TRIM11: variants seen among roughly 807,000 people sequenced by gnomAD.
The protein encoded by TRIM11 is E3 ubiquitin-protein ligase TRIM11.
A neutral mutation model predicts 33.4 loss-of-function variants in TRIM11; 15 were observed. That is an observed-to-expected ratio of 0.45 (90% confidence interval 0.30 to 0.69). The LOEUF is 0.69. Among genes scored for constraint, TRIM11 ranks in the 30% least tolerant of loss-of-function variants. The pLI is 0.08. For synonymous variants in TRIM11, 281 were observed against 302.6 expected (o/e 0.93, Z 0.74); for missense variants, 499 against 667.6 (o/e 0.75, Z 2.78).
Position 228,395,532 on chromosome 1 carries a change from TTA to T in TRIM11, c.860-282_860-281del. Reference sequence around the variant, plus strand: ...ATCTTGGTTGCTTTTTTTTTTTTTTTTAAAGAGGCAGGGTCTTGCTCTGTGGC... The same window carrying T: ...ATCTTGGTTGCTTTTTTTTTTTTTTTAAGAGGCAGGGTCTTGCTCTGTGGC... On this transcript the variant is annotated intron_variant, in intron 5 of 5. Transcript: ENST00000284551. The surrounding 1 kb of genome is among the most constrained non-coding windows in gnomAD (Gnocchi z 4.8). 4.9e-5 allele frequency: 15 copies of T among 308,712 alleles called. No individual in the cohort carries two copies. The highest frequency in any genetic ancestry group is 2.8e-4 in the South Asian group (2 of 7,134). The allele number at this position is 308,712 out of a possible 1,614,324, so 19.1% of individuals were successfully genotyped here.
chr1:228,402,134 G>A lies in TRIM11; in HGVS notation c.436C>T (p.Leu146Phe). The A allele has an allele frequency of 6.2e-7, 1 of 1,613,110 alleles. No individual in the cohort carries two copies. The highest frequency in any genetic ancestry group is 8.5e-7 in the Non-Finnish European group (1 of 1,179,530). ...AACGCATCCTGCATCTGCTTCCGGA[G>A]ATGCTCCAGTGACTTCTCCAGCTTC... ...KAKLEKSLEH[L>F]RKQMQDALLF... Residue 146 changes from leucine to phenylalanine, a missense_variant, in exon 2 of 6, where the codon CTC becomes TTC. Physicochemically the swap from Leu to Phe is conservative, Grantham distance 22. Coordinates refer to ENST00000284551, the MANE Select transcript of TRIM11 (RefSeq NM_145214.3).
chr1:228,397,861 C>A (rs564309), intron 3 of TRIM11, among the ~76,000 whole-genome samples: 17,762 of 152,142 alleles, frequency 0.12, 1,239 homozygotes, highest in East Asian at 0.33. Flanking sequence ...GAAGGGGCGA[C>A]TAGGACACAG....
chr1:228,402,325 G>A, intron 1 of TRIM11, 164 bp from the exon 2 acceptor site: 1 of 535,874 alleles, frequency 1.9e-6, no homozygotes, highest in Non-Finnish European at 3.3e-6. Context: ...GAGCCCTCAT[G>A]GTAGGTGGGC....
chr1:228,396,568 C>T, intron 5 of TRIM11: 1 of 646,344 alleles, frequency 1.5e-6, no homozygotes, highest in Non-Finnish European at 2.8e-6. Context: ...TGCAGAGGCG[C>T]TGAGGGAACA....
intron 1 of TRIM11, chr1:228,402,451 T>G: frequency 7.5e-6 from 2 of 266,002 alleles, no homozygotes; most frequent in East Asian, 1.0e-4. Flanking sequence ...TTTGCAAAGC[T>G]ACCTCAAGGG....
In TRIM11 at chr1:228,406,045, G is replaced by C; in HGVS notation, c.408+109C>G. 8.0e-7 allele frequency: 1 copy of C among 1,243,620 alleles called. No individual in the cohort carries two copies. The highest frequency in any genetic ancestry group is 2.2e-5 in the South Asian group (1 of 45,962). The allele number at this position is 1,243,620 out of a possible 1,614,324, so 77.0% of individuals were successfully genotyped here. On this transcript the variant is annotated intron_variant, in intron 1 of 5. Transcript: ENST00000284551. The surrounding 1 kb of genome is among the most constrained non-coding windows in gnomAD (Gnocchi z 8.2). ...GCTGCATCCTGAGCTCCCCGCCCTA[G>C]ACAGAGACAGATTACTCCCGGAGCA...
intron 3 of TRIM11, among the ~76,000 whole-genome samples, chr1:228,398,136 A>G (rs474600): frequency 0.15 from 22,281 of 152,152 alleles, 2,044 homozygotes; most frequent in East Asian, 0.34. Flanking sequence ...GTGCACTGCA[A>G]GGATTTAACC....
chr1:228,394,002 C>T lies in TRIM11; in HGVS notation c.*703G>A, dbSNP rs1258195228. The T allele has an allele frequency of 1.3e-5, 2 of 152,272 alleles. No individual in the cohort carries two copies. Among genetic ancestry groups the T allele is most frequent in the Non-Finnish European group, 2.9e-5 (2 of 68,064 alleles). 9.4% of individuals were successfully genotyped at this position (152,272 alleles called of 1,614,324 possible). A position where few individuals can be genotyped will look rare whatever the true frequency, so the allele number is the denominator to read the frequency against. Reference sequence around the variant, plus strand: ...TGCCCACGAAAGCTTCAAGTCAGAACGTGGGCCTGCAAAAGACATTTCTGG... The same window carrying T: ...TGCCCACGAAAGCTTCAAGTCAGAATGTGGGCCTGCAAAAGACATTTCTGG... On this transcript the variant is annotated 3_prime_UTR_variant, in exon 6 of 6. Transcript: ENST00000284551. The surrounding 1 kb of genome is among the most constrained non-coding windows in gnomAD (Gnocchi z 6.2).
rs1458304087 is a variant in TRIM11, at chr1:228,401,563, C to T, written c.505-369G>A. 1.3e-5 allele frequency among the ~76,000 whole-genome samples: 2 copies of T among 152,092 alleles called. No homozygotes were observed. Among genetic ancestry groups the T allele is most frequent in the Admixed American group, 6.5e-5 (1 of 15,278 alleles). ...CACCCATTGGCTTGGTAGAACCCTG[C>T]ATCTACCACCTGGGGCCAGCTGGAC... On this transcript the variant is annotated intron_variant, in intron 2 of 5. Transcript: ENST00000284551. This position sits in a 1 kb window ranked among gnomAD's most constrained non-coding sequence, Gnocchi z 6.1.
Position 228,401,973 on chromosome 1 carries a change from G to A in TRIM11, c.504+93C>T. 9.8e-7 allele frequency: 1 copy of A among 1,016,324 alleles called. No homozygotes were observed. Among genetic ancestry groups the A allele is most frequent in the South Asian group, 1.8e-5 (1 of 56,042 alleles). 63.0% of individuals were successfully genotyped at this position (1,016,324 alleles called of 1,614,324 possible). A position where few individuals can be genotyped will look rare whatever the true frequency, so the allele number is the denominator to read the frequency against. ...ACTGGTCCTGGGGCGCCAAGGGCAA[G>A]TGTGCCTGGCCAGCATCGCCCCCTG... On this transcript the variant is annotated intron_variant, in intron 2 of 5. Transcript: ENST00000284551. This position sits in a 1 kb window ranked among gnomAD's most constrained non-coding sequence, Gnocchi z 6.1.
At chr1:228,396,362 C>G (rs2074986987) in intron 5 of TRIM11, 1 of 405,638 alleles carries the variant, frequency 2.5e-6, no homozygotes, top group African/African-American at 2.0e-5. Flanking sequence ...CAGGGAGTTT[C>G]CAGGTTGGTG....
In TRIM11 at chr1:228,401,249, C is replaced by G; in HGVS notation, c.505-55G>C. 1.3e-6 allele frequency: 2 copies of G among 1,570,970 alleles called. No homozygotes were observed. The highest frequency in any genetic ancestry group is 1.7e-6 in the Non-Finnish European group (2 of 1,156,006). On this transcript the variant is annotated intron_variant, in intron 2 of 5. Transcript: ENST00000284551. The surrounding 1 kb of genome is among the most constrained non-coding windows in gnomAD (Gnocchi z 6.1). ...GGCCAGACCCCAGGCCCAGCCAGAC[C>G]CCAAGTTTGGTCAGACCCCAAGCCC...
In TRIM11 at chr1:228,400,522, T is replaced by C. The variant is rs12044918; in HGVS notation, c.735+442A>G. On this transcript the variant is annotated intron_variant, in intron 3 of 5. Transcript: ENST00000284551. This position sits in a 1 kb window ranked among gnomAD's most constrained non-coding sequence, Gnocchi z 4.5. ...AGGAGACTGCCCCCCATAATGGAGA[T>C]GCATGGGGTGTGCCAGCGGGGTGAA... Among the ~76,000 whole-genome samples, 545 of 152,228 alleles carry C rather than the reference T, an allele frequency of 3.6e-3. 9 individuals are homozygous for C. The highest frequency in any genetic ancestry group is 0.025 in the East Asian group (131 of 5,174).
intron 5 of TRIM11, chr1:228,396,059 G>C (rs974502500): frequency 1.3e-5 from 2 of 152,820 alleles, no homozygotes; most frequent in African/African-American, 4.8e-5. Context: ...CAGAACCCTG[G>C]GAATTTCCTG....
Position 228,394,777 on chromosome 1 carries a change from CA to C in TRIM11, c.1334del (p.Leu445ArgfsTer8). ...SGTLRPLFSPLSSSPTPMTIC... is the reference protein window; with the variant it reads ...SGTLRPLFSPXSSSPTPMTIC... Reference sequence around the variant, plus strand: ...TAGTCATCGGGGTCGGGCTGCTGGACAGGGGTGAGAAGAGGGGCCGCAGCGT... The same window carrying C: ...TAGTCATCGGGGTCGGGCTGCTGGACGGGGTGAGAAGAGGGGCCGCAGCGT... On this transcript the variant is annotated frameshift_variant, in exon 6 of 6. Transcript: ENST00000284551. LOFTEE classifies it high-confidence loss of function. The surrounding 1 kb of genome is among the most constrained non-coding windows in gnomAD (Gnocchi z 6.2). 2 of 1,613,952 alleles carry C rather than the reference CA, an allele frequency of 1.2e-6. No individual in the cohort carries two copies. The highest frequency in any genetic ancestry group is 1.1e-5 in the South Asian group (1 of 91,052).
intron 1 of TRIM11, chr1:228,405,910 G>C (rs1202562226): frequency 7.3e-6 from 3 of 411,848 alleles, no homozygotes; most frequent in Non-Finnish European, 8.5e-6. Context: ...CCGAGAGCAG[G>C]GTCTCATTGG....
chr1:228,406,205 C>G lies in TRIM11; in HGVS notation c.357G>C (p.Glu119Asp), dbSNP rs1656410224. 1 of 1,468,234 alleles carries G rather than the reference C, an allele frequency of 6.8e-7. No individual in the cohort carries two copies. Among genetic ancestry groups the G allele is most frequent in the Non-Finnish European group, 8.9e-7 (1 of 1,119,166 alleles). 91.0% of individuals were successfully genotyped at this position (1,468,234 alleles called of 1,614,324 possible). A position where few individuals can be genotyped will look rare whatever the true frequency, so the allele number is the denominator to read the frequency against. The change falls in exon 1 of 6, where the codon GAG becomes GAC. Residue 119 changes from glutamate (E) to aspartate (D), a missense_variant. By Grantham distance (45) the Glu-to-Asp change is conservative. Transcript: ENST00000284551. The surrounding 1 kb of genome is among the most constrained non-coding windows in gnomAD (Gnocchi z 8.2). ...GCGGCCGCACGCGGTGCGCCCAGTG[C>G]TCCCCAGAGCGCTCGCAGGCCGCAC... The part of the protein sequence containing the change: ...LLCAACERSG[E>D]HWAHRVRPLQ...
chr1:228,394,610 A>C lies in TRIM11; in HGVS notation c.*95T>G. The C allele has an allele frequency of 7.4e-7, 1 of 1,352,696 alleles. No individual in the cohort carries two copies. The highest frequency in any genetic ancestry group is 9.9e-7 in the Non-Finnish European group (1 of 1,007,570). 83.8% of individuals were successfully genotyped at this position (1,352,696 alleles called of 1,614,324 possible). A position where few individuals can be genotyped will look rare whatever the true frequency, so the allele number is the denominator to read the frequency against. On this transcript the variant is annotated 3_prime_UTR_variant, in exon 6 of 6. Transcript: ENST00000284551. The surrounding 1 kb of genome is among the most constrained non-coding windows in gnomAD (Gnocchi z 6.2). ...AGGAGTTCCTCCTCTTGCTCAAAGG[A>C]CACACTCCCTCCTCCCAGGTCCTCC...
rs1327643740 is a variant in TRIM11, at chr1:228,400,574, G to T, written c.735+390C>A. ...ACAGAGTGAAGGGCGAGGACTTCCT[G>T]CTGGGGACACCATGGCAGGAATCCT... On this transcript the variant is annotated intron_variant, in intron 3 of 5. Transcript: ENST00000284551. The surrounding 1 kb of genome is among the most constrained non-coding windows in gnomAD (Gnocchi z 4.5). Among the ~76,000 whole-genome samples, 1 of 152,202 alleles carries T rather than the reference G, an allele frequency of 6.6e-6. No individual in the cohort carries two copies. The highest frequency in any genetic ancestry group is 1.5e-5 in the Non-Finnish European group (1 of 68,012).
Sources: allele counts gnomAD v4.1 joint callset (sites outside exome capture counted in the v4.1 genomes callset), GRCh38; gene constraint gnomAD v4.1.1; non-coding constraint Gnocchi (gnomAD v3.1); transcripts MANE v1.5; gene names NCBI Gene and HGNC (gene_info 2026-07-23, HGNC 2026-07-21).